The following RPS6KC1 variants were observed in gnomAD, a reference collection of about 807,000 sequenced individuals.
The protein encoded by RPS6KC1 is inactive ribosomal protein S6 kinase delta-1.
A neutral mutation model predicts 103.8 loss-of-function variants in RPS6KC1; 54 were observed. The ratio of observed to expected loss-of-function variants is 0.52; its 90% CI spans 0.42 to 0.65. The LOEUF (loss-of-function observed/expected upper bound fraction) is 0.65. Among genes scored for constraint, RPS6KC1 ranks in the 30% least tolerant of loss-of-function variants. The pLI is 0.00. For missense variants in RPS6KC1, 1,151 were observed against 1,253.8 expected, an observed-to-expected ratio of 0.92 and a Z score of 1.24; for synonymous variants, 439 against 438.7, an observed-to-expected ratio of 1.00 and a Z score of -0.01.
At chr1:213,654,325 G>A in the RPS6KC1 span, among the ~76,000 whole-genome samples, 1 of 152,172 alleles carries the variant, frequency 6.6e-6, no homozygotes, top group African/African-American at 2.4e-5. Flanking sequence ...TGAGCTGCAG[G>A]CGTTCAACTT....
intron 8 of RPS6KC1, among the ~76,000 whole-genome samples, chr1:213,190,444 A>G (rs2092706955): frequency 6.6e-6 from 1 of 152,118 alleles, no homozygotes; most frequent in African/African-American, 2.4e-5. Flanking sequence ...TGCCATTTTT[A>G]TGTCTTCTTT....
chr1:213,474,283 G>C, the RPS6KC1 span, among the ~76,000 whole-genome samples: 1 of 152,296 alleles, frequency 6.6e-6, no homozygotes, highest in African/African-American at 2.4e-5. Context: ...GCAGAGCTGA[G>C]CCTGGAGACA....
At chr1:213,199,004 C>G (rs79507655) in intron 8 of RPS6KC1, among the ~76,000 whole-genome samples, 6,895 of 151,770 alleles carry the variant, frequency 0.045, 240 homozygotes, top group South Asian at 0.077. Context: ...TAGCCTACCA[C>G]ACCTCCCCAT....
chr1:213,384,580 A>G, the RPS6KC1 span, among the ~76,000 whole-genome samples: 1 of 152,098 alleles, frequency 6.6e-6, no homozygotes, highest in Non-Finnish European at 1.5e-5. Context: ...TGTCGAGGGC[A>G]GGAGGGGATG....
At chr1:213,170,162 A>G (rs187158725) in intron 7 of RPS6KC1, among the ~76,000 whole-genome samples, 1 of 152,326 alleles carries the variant, frequency 6.6e-6, no homozygotes, top group Non-Finnish European at 1.5e-5. Context: ...TGGTTTACCT[A>G]TACTTATTCA....
chr1:213,379,780 C>T, the RPS6KC1 span, among the ~76,000 whole-genome samples: 4 of 152,026 alleles, frequency 2.6e-5, no homozygotes, highest in Non-Finnish European at 5.9e-5. Context: ...AGTGAGGTCC[C>T]GTCTCACACC....
the RPS6KC1 span, among the ~76,000 whole-genome samples, chr1:213,448,225 CAAAAAAA>C: frequency 1.2e-4 from 9 of 75,818 alleles, no homozygotes; most frequent in Non-Finnish European, 1.2e-4. Flanking sequence ...GTGAGACTGT[CAAAAAAA>C]AAAAAAAAAA....
At chr1:213,757,685 C>T in the RPS6KC1 span, among the ~76,000 whole-genome samples, 2 of 152,192 alleles carry the variant, frequency 1.3e-5, no homozygotes, top group Non-Finnish European at 2.9e-5. Flanking sequence ...CAATAAACAG[C>T]AGATTTTCAG....
At chr1:213,554,038 C>T in the RPS6KC1 span, among the ~76,000 whole-genome samples, 1 of 152,160 alleles carries the variant, frequency 6.6e-6, no homozygotes, top group East Asian at 1.9e-4. Flanking sequence ...TTAGGCCCCA[C>T]CTGTTAATGT....
chr1:213,553,518 ATGCCCAG>A, the RPS6KC1 span, among the ~76,000 whole-genome samples: 1 of 152,206 alleles, frequency 6.6e-6, no homozygotes, highest in Non-Finnish European at 1.5e-5. Context: ...CTTTTGGTAT[ATGCCCAG>A]TAATGGTATT....
At chr1:213,588,331 T>C in the RPS6KC1 span, among the ~76,000 whole-genome samples, 1 of 151,170 alleles carries the variant, frequency 6.6e-6, no homozygotes, top group Non-Finnish European at 1.5e-5. Context: ...GTCTCACTTG[T>C]TGCCCAGGCT....
chr1:213,707,867 T>C, the RPS6KC1 span, among the ~76,000 whole-genome samples: 1 of 152,232 alleles, frequency 6.6e-6, no homozygotes. Context: ...TGTGGCATTA[T>C]TTCTGAGGTC....
At chr1:213,296,489 G>A in the RPS6KC1 span, among the ~76,000 whole-genome samples, 2 of 152,196 alleles carry the variant, frequency 1.3e-5, no homozygotes, top group East Asian at 1.9e-4. Flanking sequence ...CCTCATCAGA[G>A]TGGCTAAGCT....
chr1:213,336,994 G>A, the RPS6KC1 span, among the ~76,000 whole-genome samples: 2 of 152,184 alleles, frequency 1.3e-5, no homozygotes, highest in African/African-American at 2.4e-5. Flanking sequence ...AGTTCTTTGA[G>A]TGAAGGCATT....
the RPS6KC1 span, among the ~76,000 whole-genome samples, chr1:213,703,276 T>C: frequency 6.6e-6 from 1 of 152,222 alleles, no homozygotes; most frequent in African/African-American, 2.4e-5. Flanking sequence ...TACTTTTTGT[T>C]GTTTCTACTT....
downstream of RPS6KC1, among the ~76,000 whole-genome samples, chr1:213,277,071 T>C (rs1280694207): frequency 1.3e-5 from 2 of 152,246 alleles, no homozygotes; most frequent in Admixed American, 1.3e-4. Context: ...GATTATTTTA[T>C]GTCTACTAGG....
chr1:213,103,771 AATCT>A (rs1478636429), intron 3 of RPS6KC1, among the ~76,000 whole-genome samples: 8 of 152,206 alleles, frequency 5.3e-5, no homozygotes, highest in Admixed American at 6.5e-5. Context: ...CTGGTAATCT[AATCT>A]AAGTACTACA....
At chr1:213,436,065 A>G in the RPS6KC1 span, among the ~76,000 whole-genome samples, 5 of 152,094 alleles carry the variant, frequency 3.3e-5, no homozygotes, top group Non-Finnish European at 7.4e-5. Context: ...GTTGCTCAAT[A>G]TTGTGTTTAG....
At chr1:213,514,442 C>T in the RPS6KC1 span, among the ~76,000 whole-genome samples, 4 of 143,192 alleles carry the variant, frequency 2.8e-5, no homozygotes, top group African/African-American at 7.8e-5. Context: ...CATGTGTTCT[C>T]ATTGTTGAAT....
Sources: allele counts gnomAD v4.1 joint callset (sites outside exome capture counted in the v4.1 genomes callset), GRCh38; gene constraint gnomAD v4.1.1; transcripts MANE v1.5; gene names NCBI Gene and HGNC (gene_info 2026-07-23, HGNC 2026-07-21).